CALU: variants seen among roughly 807,000 people sequenced by gnomAD.
CALU encodes calumenin.
Under a neutral mutation model 37.5 loss-of-function variants are expected in CALU, and 13 were observed. The ratio of observed to expected loss-of-function variants is 0.35; its 90% CI spans 0.23 to 0.55. The LOEUF (loss-of-function observed/expected upper bound fraction) is 0.55. CALU is among the 20% of genes least tolerant of loss of function. CALU has a pLI of 0.89. For missense variants in CALU, 282 were observed against 391.7 expected, an observed-to-expected ratio of 0.72 and a Z score of 2.36; for synonymous variants, 114 against 133.8, an observed-to-expected ratio of 0.85 and a Z score of 1.02.
chr7:128,751,730 AAAT>A (rs376060690), intron 2 of CALU, among the ~76,000 whole-genome samples: 1 of 152,202 alleles, frequency 6.6e-6, no homozygotes, highest in African/African-American at 2.4e-5. Flanking sequence ...CTATCTCAAA[AAAT>A]AATAATAACA....
chr7:128,760,137 G>A (rs565610746), intron 5 of CALU, among the ~76,000 whole-genome samples: 17 of 152,330 alleles, frequency 1.1e-4, no homozygotes, highest in African/African-American at 3.8e-4. Flanking sequence ...GGCGGAGGTT[G>A]CAGTGAGCCG....
At chr7:128,754,527 A>G (rs1800794488) in intron 3 of CALU, 72 bp downstream of exon 3, 3 of 1,578,986 alleles carry the variant, frequency 1.9e-6, no homozygotes, top group South Asian at 1.2e-5. Flanking sequence ...TTTGTCTTGT[A>G]GAATGATTGT....
chr7:128,746,914 A>G (rs1585001616), intron 1 of CALU, among the ~76,000 whole-genome samples: 2 of 151,704 alleles, frequency 1.3e-5, no homozygotes, highest in South Asian at 2.1e-4. Context: ...GACTACAGGC[A>G]CCCACCACCA....
chr7:128,771,749 G>C lies in CALU; in HGVS notation c.*2582G>C, dbSNP rs1350591008. On this transcript the variant is annotated 3_prime_UTR_variant, in exon 7 of 7. Transcript: ENST00000249364. ...TAATTATCTGATACCAAACACAAGC[G>C]ATTCTGAATGTACACACACGTTTAT... The C allele has an allele frequency of 6.6e-6, 1 of 152,142 alleles. No individual in the cohort carries two copies. The highest frequency in any genetic ancestry group is 2.4e-5 in the African/African-American group (1 of 41,412). 9.4% of individuals were successfully genotyped at this position (152,142 alleles called of 1,614,324 possible). A position where few individuals can be genotyped will look rare whatever the true frequency, so the allele number is the denominator to read the frequency against.
chr7:128,756,251 C>T (rs1800879008), intron 3 of CALU, among the ~76,000 whole-genome samples: 2 of 152,188 alleles, frequency 1.3e-5, no homozygotes, highest in Admixed American at 6.5e-5. Context: ...ATCTCAGCTC[C>T]GACCTAGGCA....
intron 5 of CALU, among the ~76,000 whole-genome samples, chr7:128,761,035 G>A (rs1437274437): frequency 3.3e-5 from 5 of 152,168 alleles, no homozygotes; most frequent in Admixed American, 3.3e-4. Context: ...CCCTCTTGTA[G>A]CCATTCCTTT....
At chr7:128,768,614 G>A (rs1265242133) in intron 6 of CALU, among the ~76,000 whole-genome samples, 1 of 152,004 alleles carries the variant, frequency 6.6e-6, no homozygotes, top group Non-Finnish European at 1.5e-5. Context: ...CAAGGCAGGC[G>A]GATCACCTGA....
intron 1 of CALU, chr7:128,747,937 G>A (rs547078975): frequency 5.9e-6 from 1 of 169,360 alleles, no homozygotes; most frequent in African/African-American, 2.4e-5. Flanking sequence ...TCTATGACTA[G>A]ACCATCTGAA....
chr7:128,742,593 G>T (rs1240206634), intron 1 of CALU, among the ~76,000 whole-genome samples: 1 of 152,128 alleles, frequency 6.6e-6, no homozygotes, highest in Non-Finnish European at 1.5e-5. Flanking sequence ...TGTATTGCTC[G>T]CAATACTGGT....
intron 5 of CALU, among the ~76,000 whole-genome samples, chr7:128,762,144 G>A (rs952787948): frequency 2.6e-5 from 4 of 151,752 alleles, no homozygotes; most frequent in Non-Finnish European, 4.4e-5. Flanking sequence ...ACTTTTAAAT[G>A]ATTTATCTTT....
intron 3 of CALU, among the ~76,000 whole-genome samples, chr7:128,756,682 C>G (rs1353456112): frequency 6.6e-6 from 1 of 152,132 alleles, no homozygotes; most frequent in African/African-American, 2.4e-5. Flanking sequence ...GATCAAGAGC[C>G]TACCTAAAGC....
chr7:128,751,408 T>G lies in CALU; in HGVS notation c.221+2604T>G, dbSNP rs181836238. Among the ~76,000 whole-genome samples the G allele has an allele frequency of 1.9e-3, 288 of 152,076 alleles. 1 individual carries two copies. The highest frequency in any genetic ancestry group is 3.1e-3 in the Non-Finnish European group (209 of 67,982). The stretch of plus-strand genomic sequence containing the variant: ...GGAGTCTAATGAAAGCTAAGGACTT[T>G]TCCTCAGAAAAGTGCACACTTACAT... On this transcript the variant is annotated intron_variant, in intron 2 of 6. Transcript: ENST00000249364.
chr7:128,752,941 C>T (rs930915897), intron 2 of CALU, among the ~76,000 whole-genome samples: 1 of 152,192 alleles, frequency 6.6e-6, no homozygotes, highest in Admixed American at 6.5e-5. Context: ...CTGCCCGCCT[C>T]GGCCTCCCAA....
In CALU at chr7:128,752,792, C is replaced by A. The variant is rs575937564; in HGVS notation, c.222-1470C>A. ...CGCCGCCTCCCAGGTTCAAGAGATT[C>A]TCCTGCCTCAGCCTCCTGAATAGCT... On this transcript the variant is annotated intron_variant, in intron 2 of 6. Coordinates refer to ENST00000249364, the MANE Select transcript of CALU (RefSeq NM_001219.5). Among the ~76,000 whole-genome samples the A allele has an allele frequency of 2.7e-3, 407 of 152,306 alleles. 4 individuals carry two copies. The highest frequency in any genetic ancestry group is 9.1e-3 in the Admixed American group (139 of 15,302).
Position 128,770,807 on chromosome 7 carries a change from G to GTATA in CALU, c.*1645_*1648dup, listed in dbSNP as rs1319520532. On this transcript the variant is annotated 3_prime_UTR_variant, in exon 7 of 7. Transcript: ENST00000249364. ...CCTCAGGTTACCAAGATAAATATAT[G>GTATA]TATATATAACCTTTATTATTGCTAT... 6.6e-6 allele frequency: 1 copy of GTATA among 152,568 alleles called. No individual in the cohort carries two copies. Among genetic ancestry groups the GTATA allele is most frequent in the Non-Finnish European group, 1.5e-5 (1 of 68,024 alleles). 9.5% of individuals were successfully genotyped at this position (152,568 alleles called of 1,614,324 possible). A position where few individuals can be genotyped will look rare whatever the true frequency, so the allele number is the denominator to read the frequency against.
At position 128,767,592 on chromosome 7, in the gene CALU, C is replaced by T. The variant is rs755638595; in HGVS notation, c.780C>T (p.Pro260=). The T allele has an allele frequency of 6.2e-5, 100 of 1,614,172 alleles. 3 individuals carry two copies. In the South Asian group the frequency reaches 1.1e-3, roughly 17 times the overall value. The stretch of plus-strand genomic sequence containing the variant: ...AAGAGACCAAAGACTGGATCCTTCC[C>T]TCAGACTATGATCATGCAGAGGCAG... ...DKEETKDWIL[P]SDYDHAEAEA... Residue 260 remains proline, a synonymous_variant, in exon 6 of 7, where the codon CCC becomes CCT. Transcript: ENST00000249364.
Position 128,740,068 on chromosome 7 carries a change from T to G in CALU, c.-12+636T>G, listed in dbSNP as rs115647347. Among the ~76,000 whole-genome samples the G allele has an allele frequency of 4.8e-3, 726 of 152,340 alleles. 8 individuals are homozygous for G. The highest frequency in any genetic ancestry group is 0.017 in the African/African-American group (697 of 41,564). On this transcript the variant is annotated intron_variant, in intron 1 of 6. Coordinates refer to ENST00000249364, the MANE Select transcript of CALU (RefSeq NM_001219.5). ...ACGGAAAATAGTTTTTAAAGCTTTA[T>G]TGGGGAATTAATTTTTGTTACGTTT...
At chr7:128,747,217 G>A (rs1800481909) in intron 1 of CALU, among the ~76,000 whole-genome samples, 1 of 152,086 alleles carries the variant, frequency 6.6e-6, no homozygotes, top group African/African-American at 2.4e-5. Flanking sequence ...GTAAATGTGG[G>A]TATTTTGATG....
At chr7:128,741,282 A>C (rs763670230) in intron 1 of CALU, among the ~76,000 whole-genome samples, 2 of 152,258 alleles carry the variant, frequency 1.3e-5, no homozygotes, top group Non-Finnish European at 2.9e-5. Context: ...TGGAAGTTGG[A>C]GAACACAGGC....
Sources: allele counts gnomAD v4.1 joint callset (sites outside exome capture counted in the v4.1 genomes callset), GRCh38; gene constraint gnomAD v4.1.1; transcripts MANE v1.5; gene names NCBI Gene and HGNC (gene_info 2026-07-23, HGNC 2026-07-21).